Variants in IMPG1 observed in about 807,000 individuals in gnomAD.
IMPG1 encodes interphotoreceptor matrix proteoglycan of 150 kDa.
In IMPG1, 85 loss-of-function variants were observed where a neutral mutation model predicts 92.0. That is an observed-to-expected ratio of 0.92 (90% CI 0.78 to 1.11). The LOEUF is 1.11. Ranked by LOEUF, IMPG1 falls within the 50% of genes least tolerant of loss-of-function variation. The pLI, the probability that IMPG1 is intolerant of heterozygous loss-of-function variation, is 0.00. For missense variants in IMPG1, 1,022 were observed against 956.0 expected (o/e 1.07, Z -0.91); for synonymous variants, 367 against 334.1 (o/e 1.10, Z -1.08).
At chr6:76,064,811 C>T (rs958179079) in intron 1 of IMPG1, among the ~76,000 whole-genome samples, 1 of 152,144 alleles carries the variant, frequency 6.6e-6, no homozygotes, top group Non-Finnish European at 1.5e-5. Context: ...GTAAGTACTA[C>T]CTGCTGGCCT....
intron 1 of IMPG1, among the ~76,000 whole-genome samples, chr6:76,070,145 A>G (rs1246210741): frequency 6.6e-6 from 1 of 152,194 alleles, no homozygotes; most frequent in African/African-American, 2.4e-5. Context: ...AGAAGGTAAA[A>G]TTATTTTAAA....
chr6:75,998,941 C>CT lies in IMPG1; in HGVS notation c.1291+3976dup, dbSNP rs539379868. ...GAGCGATCTTGGCTCACTGCAACCT[C>CT]TGCCTCCCAGGTTCAAGCAATTCTC... On this transcript the variant is annotated intron_variant, in intron 12 of 16. Coordinates refer to ENST00000369950, the MANE Select transcript of IMPG1 (RefSeq NM_001563.4). Among the ~76,000 whole-genome samples, 640 of 152,278 alleles carry CT rather than the reference C, an allele frequency of 4.2e-3. 5 individuals carry two copies. The highest frequency in any genetic ancestry group is 0.015 in the African/African-American group (619 of 41,552).
intron 12 of IMPG1, among the ~76,000 whole-genome samples, chr6:75,991,114 T>C (rs1478299032): frequency 6.6e-6 from 1 of 152,122 alleles, no homozygotes; most frequent in South Asian, 2.1e-4. Flanking sequence ...TCTGTAAAAA[T>C]GGACACGGTG....
intron 14 of IMPG1, among the ~76,000 whole-genome samples, chr6:75,943,713 G>C (rs190816728): frequency 1.3e-5 from 2 of 152,298 alleles, no homozygotes; most frequent in East Asian, 1.9e-4. Context: ...CCGGCCAAAG[G>C]CTGTCTCATT....
chr6:76,025,918 C>T (rs558105666), intron 4 of IMPG1, among the ~76,000 whole-genome samples: 3 of 152,206 alleles, frequency 2.0e-5, no homozygotes, highest in African/African-American at 4.8e-5. Context: ...TTCTAACAAG[C>T]TTTACTTAGA....
intron 1 of IMPG1, among the ~76,000 whole-genome samples, chr6:76,062,664 T>C (rs1295517577): frequency 6.6e-6 from 1 of 152,180 alleles, no homozygotes; most frequent in African/African-American, 2.4e-5. Flanking sequence ...GAACCTTTCT[T>C]TTCTCTCCCC....
chr6:75,971,628 T>C (rs1782419392), intron 12 of IMPG1, among the ~76,000 whole-genome samples: 1 of 152,150 alleles, frequency 6.6e-6, no homozygotes, highest in Non-Finnish European at 1.5e-5. Context: ...AGAAATATAC[T>C]TTACAAATCA....
chr6:76,059,295 A>C lies in IMPG1; in HGVS notation c.67+13127T>G, dbSNP rs78713381. Among the ~76,000 whole-genome samples, 1,272 of 152,222 alleles carry C rather than the reference A, an allele frequency of 8.4e-3. 17 individuals carry two copies. The highest frequency in any genetic ancestry group is 0.027 in the African/African-American group (1,132 of 41,550). ...AATGTCCTGCCTTTAGATACATAAC[A>C]CACTGCTAAATAAGCTACTTACTAC... is the stretch of plus-strand genomic sequence containing the variant. On this transcript the variant is annotated intron_variant, in intron 1 of 16. Transcript: ENST00000369950.
intron 12 of IMPG1, among the ~76,000 whole-genome samples, chr6:75,999,132 C>T (rs1325136172): frequency 2.0e-5 from 3 of 152,134 alleles, no homozygotes; most frequent in Admixed American, 6.5e-5. Context: ...GCTGGGATTA[C>T]AGGCATGAGC....
intron 12 of IMPG1, among the ~76,000 whole-genome samples, chr6:75,996,935 T>C (rs534873345): frequency 1.2e-4 from 18 of 152,334 alleles, no homozygotes; most frequent in Non-Finnish European, 2.9e-5. Flanking sequence ...GAATAATATC[T>C]CTTCACTAGA....
intron 11 of IMPG1, among the ~76,000 whole-genome samples, chr6:76,003,593 A>T (rs1346926025): frequency 6.6e-6 from 1 of 152,132 alleles, no homozygotes. Context: ...TGTTTGTTTT[A>T]TTAAAAACAG....
At position 75,947,430 on chromosome 6, in the gene IMPG1, T is replaced by C. The variant is rs1366904069; in HGVS notation, c.1928A>G (p.Lys643Arg). The C allele has an allele frequency of 6.2e-7, 1 of 1,613,808 alleles. No homozygotes were observed. Among genetic ancestry groups the C allele is most frequent in the East Asian group, 2.2e-5 (1 of 44,872 alleles). ...VIVNSKMKFA[K>R]SVPYNLTKAV... Reference sequence around the variant, plus strand: ...CTTGGTGAGGTTATACGGCACTGACTTAGCAAACTTCATTTTGCTATTCAC... The same window carrying C: ...CTTGGTGAGGTTATACGGCACTGACCTAGCAAACTTCATTTTGCTATTCAC... Residue 643 changes from lysine (K) to arginine (R), a missense_variant, in exon 14 of 17, where the codon AAG becomes AGG. Coordinates refer to ENST00000369950, the MANE Select transcript of IMPG1 (RefSeq NM_001563.4).
chr6:75,950,561 C>T lies in IMPG1; in HGVS notation c.1824+1G>A, dbSNP rs770887047. ...GGGAATTGTGAGCAGTGCCCACTCA[C>T]CAGCTGTGTGAATTGTTGCTCCAGA... is the stretch of plus-strand genomic sequence containing the variant. On this transcript the variant is annotated splice_donor_variant, in intron 13 of 16. Coordinates refer to ENST00000369950, the MANE Select transcript of IMPG1 (RefSeq NM_001563.4). LOFTEE classifies it high-confidence loss of function. The T allele has an allele frequency of 6.2e-7, 1 of 1,602,710 alleles. No individual in the cohort carries two copies. The highest frequency in any genetic ancestry group is 1.7e-5 in the Admixed American group (1 of 59,052).
intron 4 of IMPG1, among the ~76,000 whole-genome samples, chr6:76,028,270 G>T (rs1232695351): frequency 6.6e-6 from 1 of 152,176 alleles, no homozygotes; most frequent in Non-Finnish European, 1.5e-5. Flanking sequence ...CTTTTCAAAA[G>T]ATAGTTTATA....
chr6:76,063,509 G>C (rs942866787), intron 1 of IMPG1, among the ~76,000 whole-genome samples: 3 of 152,176 alleles, frequency 2.0e-5, no homozygotes, highest in African/African-American at 7.2e-5. Flanking sequence ...GAGCTCCTCT[G>C]TCCTCATGAA....
In IMPG1 at chr6:75,922,184, T is replaced by A; in HGVS notation, c.2317-18A>T. 1 of 1,064,864 alleles carries A rather than the reference T, an allele frequency of 9.4e-7. No homozygotes were observed. The highest frequency in any genetic ancestry group is 1.4e-6 in the Non-Finnish European group (1 of 703,372). 66.0% of individuals were successfully genotyped at this position (1,064,864 alleles called of 1,614,324 possible). On this transcript the variant is annotated intron_variant, in intron 16 of 16. Transcript: ENST00000369950. ...CTGATTACCTGAAAGAGAAATAGTT[T>A]TAAGAACTTAAGAAATGCCACCCAA...
chr6:75,992,881 T>C (rs1050923007), intron 12 of IMPG1, among the ~76,000 whole-genome samples: 11 of 152,232 alleles, frequency 7.2e-5, no homozygotes, highest in African/African-American at 2.4e-4. Flanking sequence ...CCATGAGTGC[T>C]TTCTTTGATA....
intron 1 of IMPG1, among the ~76,000 whole-genome samples, chr6:76,068,280 T>C (rs770229991): frequency 1.2e-4 from 19 of 152,102 alleles, no homozygotes; most frequent in Admixed American, 5.2e-4. Context: ...ATCTTATACG[T>C]AGAAAATCCT....
chr6:75,971,236 C>A (rs964974777), intron 12 of IMPG1, among the ~76,000 whole-genome samples: 2 of 149,372 alleles, frequency 1.3e-5, no homozygotes, highest in Non-Finnish European at 2.9e-5. Flanking sequence ...CCAAACACCG[C>A]ATGTTCTCAC....
Sources: gnomAD v4.1 joint callset for allele counts (sites outside exome capture counted in the v4.1 genomes callset) on GRCh38, gnomAD v4.1.1 for gene constraint, MANE v1.5 for transcripts, NCBI Gene and HGNC (gene_info 2026-07-23, HGNC 2026-07-21) for gene names.